FBXW10: variants seen among roughly 807,000 people sequenced by gnomAD.
FBXW10 encodes the protein F-box and WD repeat domain containing 10.
Under a neutral mutation model 113.1 loss-of-function variants are expected in FBXW10, and 68 were observed. That is an observed-to-expected ratio of 0.60 (90% confidence interval 0.49 to 0.74). The LOEUF is 0.74. FBXW10 is among the 30% of genes least tolerant of loss of function. The pLI, the probability that FBXW10 is intolerant of heterozygous loss-of-function variation, is 0.00. For missense variants in FBXW10, 753 were observed against 1,284.5 expected (o/e 0.59, Z 6.32); for synonymous variants, 289 against 481.6 (o/e 0.60, Z 5.24).
rs8069260 is a variant in FBXW10 at position 18,774,049 on chromosome 17, G to A, written c.2279-1087G>A. ...TTGATTACACTCTAATGGTTGCTTAGCATTCTGCTGTAAAGAGGTGACAAT... is the reference window on the plus strand; with the variant it reads ...TTGATTACACTCTAATGGTTGCTTAACATTCTGCTGTAAAGAGGTGACAAT... On this transcript the variant is annotated intron_variant, in intron 12 of 13. Transcript: ENST00000395665. Among the ~76,000 whole-genome samples the A allele has an allele frequency of 2.6e-4, 36 of 136,166 alleles. 1 individual carries two copies. The highest frequency in any genetic ancestry group is 1.0e-3 in the South Asian group (4 of 3,868). 89.3% of individuals were successfully genotyped at this position (136,166 alleles called of 152,430 possible).
intron 11 of FBXW10, among the ~76,000 whole-genome samples, chr17:18,771,805 A>G (rs908916152): frequency 1.3e-5 from 2 of 152,198 alleles, no homozygotes; most frequent in Admixed American, 1.3e-4. Flanking sequence ...ACAGAAATTC[A>G]TTTAAAAGCA....
intron 8 of FBXW10, among the ~76,000 whole-genome samples, chr17:18,765,152 G>T (rs2035470274): frequency 6.6e-6 from 1 of 152,098 alleles, no homozygotes; most frequent in African/African-American, 2.4e-5. Context: ...TCTTCAAAGG[G>T]CTCATTGTCT....
chr17:18,764,693 C>A lies in FBXW10; in HGVS notation c.1434-49C>A, dbSNP rs185440553. 401 of 1,613,656 alleles carry A rather than the reference C, an allele frequency of 2.5e-4. 1 individual carries two copies. Among genetic ancestry groups the A allele is most frequent in the Non-Finnish European group, 6.1e-5 (72 of 1,179,722 alleles). ...CTACATGGGTTCTACGCAGTATGATCCTCTGGGCCCTCAGGAACTCTCACA... is the reference window on the plus strand; with the variant it reads ...CTACATGGGTTCTACGCAGTATGATACTCTGGGCCCTCAGGAACTCTCACA... On this transcript the variant is annotated intron_variant, in intron 7 of 13. Transcript: ENST00000395665.
chr17:18,777,839 G>A (rs538740318), intron 13 of FBXW10, among the ~76,000 whole-genome samples: 3 of 151,398 alleles, frequency 2.0e-5, no homozygotes, highest in East Asian at 2.0e-4. Context: ...CACCGCGCCC[G>A]GCCTCAACTT....
rs759800252 is a variant in FBXW10 at position 18,744,513 on chromosome 17, C to T, written c.269C>T (p.Ser90Phe). 1.4e-5 allele frequency: 23 copies of T among 1,613,796 alleles called. No homozygotes were observed. In the East Asian group the frequency reaches 2.7e-4, roughly 19 times the overall value. The change falls in exon 1 of 14, where the codon TCC becomes TTC. Residue 90 changes from serine (S) to phenylalanine (F), a missense_variant. Coordinates refer to ENST00000395665, the MANE Select transcript of FBXW10 (RefSeq NM_001267585.2). Reference protein sequence around the residue: ...TQGKDFIYNRSRINLSKKEGK... With the variant: ...TQGKDFIYNRFRINLSKKEGK... ...GGAAAGGATTTCATCTATAACAGGT[C>T]CCGGATCAACCTCAGCAAGAAAGAG...
chr17:18,768,288 A>C (rs551270192), intron 9 of FBXW10, among the ~76,000 whole-genome samples: 1 of 152,072 alleles, frequency 6.6e-6, no homozygotes, highest in South Asian at 2.1e-4. Flanking sequence ...GGATGGTCTC[A>C]ATCTCCTGAC....
At chr17:18,745,723 G>A (rs2035028454) in intron 1 of FBXW10, among the ~76,000 whole-genome samples, 1 of 152,130 alleles carries the variant, frequency 6.6e-6, no homozygotes, top group Admixed American at 6.5e-5. Flanking sequence ...CAGGGATTCT[G>A]TATTTCTAAC....
chr17:18,776,497 T>C (rs1347958445), intron 13 of FBXW10, among the ~76,000 whole-genome samples: 11 of 152,178 alleles, frequency 7.2e-5, no homozygotes, highest in Non-Finnish European at 1.5e-4. Context: ...GGAAAACAAT[T>C]ATTTTATGAG....
chr17:18,749,309 C>T (rs978760321), intron 2 of FBXW10, among the ~76,000 whole-genome samples: 5 of 151,802 alleles, frequency 3.3e-5, no homozygotes, highest in African/African-American at 9.7e-5. Context: ...GAGGCCGAGG[C>T]GGGCGGATCA....
chr17:18,773,102 AT>A (rs879388214), intron 12 of FBXW10, among the ~76,000 whole-genome samples: 20 of 146,198 alleles, frequency 1.4e-4, no homozygotes, highest in East Asian at 2.0e-4. Context: ...CTAATTTTGT[AT>A]TTTTTTTTTA....
At chr17:18,764,281 A>G (rs563226722) in intron 7 of FBXW10, among the ~76,000 whole-genome samples, 7 of 147,528 alleles carry the variant, frequency 4.7e-5, no homozygotes, top group African/African-American at 1.3e-4. Flanking sequence ...AGCTCGCTGC[A>G]ACCTCTGCCT....
chr17:18,745,374 C>T lies in FBXW10; in HGVS notation c.505+625C>T, dbSNP rs1271624014. The stretch of plus-strand genomic sequence containing the variant: ...GTTAAAACAAGCTCCTCCCCCAGAA[C>T]TTCGGACTCAGCAGGTCTGAGGTGG... On this transcript the variant is annotated intron_variant, in intron 1 of 13. Coordinates refer to ENST00000395665, the MANE Select transcript of FBXW10 (RefSeq NM_001267585.2). 4 of 538,928 alleles carry T rather than the reference C, an allele frequency of 7.4e-6. No individual in the cohort carries two copies. The African/African-American group carries it at 8.3e-5, about 11-fold the overall frequency. The allele number at this position is 538,928 out of a possible 1,614,324, so 33.4% of individuals were successfully genotyped here. A position where few individuals can be genotyped will look rare whatever the true frequency, so the allele number is the denominator to read the frequency against.
chr17:18,747,201 C>T (rs2035055437), intron 1 of FBXW10, among the ~76,000 whole-genome samples: 2 of 152,166 alleles, frequency 1.3e-5, no homozygotes, highest in African/African-American at 4.8e-5. Flanking sequence ...GCTGGGATTA[C>T]AGGCATGAAC....
chr17:18,778,816 C>T lies in FBXW10; in HGVS notation c.2677C>T (p.Pro893Ser), dbSNP rs746315631. 19 of 1,613,790 alleles carry T rather than the reference C, an allele frequency of 1.2e-5. No homozygotes were observed. In the East Asian group the frequency reaches 4.2e-4, roughly 36 times the overall value. Residue 893 changes from proline (P) to serine (S), a missense_variant, in exon 14 of 14, where the codon CCC (proline) becomes TCC (serine). Physicochemically the swap from Pro to Ser is moderately conservative, Grantham distance 74. Transcript: ENST00000395665. The part of the protein sequence containing the change: ...SIPLEIQKLQ[P>S]NLKISLHSPR... The stretch of plus-strand genomic sequence containing the variant: ...TCCCCTTGAAATCCAGAAACTGCAG[C>T]CCAACTTGAAGATCTCTTTGCACAG...
chr17:18,753,025 A>T (rs1331790750), intron 5 of FBXW10, among the ~76,000 whole-genome samples: 10 of 152,216 alleles, frequency 6.6e-5, no homozygotes, highest in Admixed American at 6.5e-4. Context: ...ACTGGACTGT[A>T]TTGACAGAAT....
At chr17:18,762,279 C>T (rs376670862) in intron 7 of FBXW10, among the ~76,000 whole-genome samples, 6 of 150,122 alleles carry the variant, frequency 4.0e-5, no homozygotes, top group Non-Finnish European at 7.4e-5. Flanking sequence ...GGTTTTTCTA[C>T]GTAGACAATC....
Position 18,772,394 on chromosome 17 carries a change from CTGT to C in FBXW10, c.2007-13_2007-11del. The C allele has an allele frequency of 6.2e-7, 1 of 1,609,042 alleles. No individual in the cohort carries two copies. The highest frequency in any genetic ancestry group is 2.2e-5 in the East Asian group (1 of 44,868). On this transcript the variant is annotated splice_polypyrimidine_tract_variant and intron_variant, in intron 11 of 13. Coordinates refer to ENST00000395665, the MANE Select transcript of FBXW10 (RefSeq NM_001267585.2). Reference sequence around the variant, plus strand: ...CTCCACAGTCCTTTTGTGGACAACCCTGTTGTTTCGGTTCCAGGATGGTGGTCA... The same window carrying C: ...CTCCACAGTCCTTTTGTGGACAACCCTGTTTCGGTTCCAGGATGGTGGTCA...
intron 11 of FBXW10, 44 bp from the exon 12 acceptor site, chr17:18,772,368 C>G (rs763084743): frequency 8.2e-6 from 13 of 1,579,358 alleles, no homozygotes; most frequent in Non-Finnish European, 1.1e-5. Flanking sequence ...CTTTCGGTGG[C>G]CTCCACAGTC....
At chr17:18,758,670 G>T (rs2035321389) in intron 7 of FBXW10, among the ~76,000 whole-genome samples, 165 bp downstream of exon 7, 1 of 126,684 alleles carries the variant, frequency 7.9e-6, no homozygotes, top group Admixed American at 8.8e-5. Flanking sequence ...AGTCAGGAAT[G>T]TATATATTGC....
Sources: gnomAD v4.1 joint callset for allele counts (sites outside exome capture counted in the v4.1 genomes callset) on GRCh38, gnomAD v4.1.1 for gene constraint, MANE v1.5 for transcripts, NCBI Gene and HGNC (gene_info 2026-07-23, HGNC 2026-07-21) for gene names.